Variants in TNKS2 observed in about 807,000 individuals in gnomAD.
TNKS2 encodes tankyrase 2, also known as poly [ADP-ribose] polymerase tankyrase-2.
A neutral mutation model predicts 137.6 loss-of-function variants in TNKS2; 72 were observed. The observed-to-expected ratio is 0.52, with a 90% CI of 0.43 to 0.64. The LOEUF is 0.64. TNKS2 is among the 30% of genes least tolerant of loss of function. The probability of loss-of-function intolerance (pLI) is 0.00; values close to 1 mark genes in which losing one functional copy is unlikely to be tolerated. For synonymous variants in TNKS2, 516 were observed against 512.1 expected, an observed-to-expected ratio of 1.01 and a Z score of -0.10; for missense variants, 1,049 against 1,410.2, an observed-to-expected ratio of 0.74 and a Z score of 4.10.
At chr10:91,827,294 T>C (rs1845099725) in intron 8 of TNKS2, 91 bp downstream of exon 8, 1 of 1,098,438 alleles carries the variant, frequency 9.1e-7, no homozygotes, top group Non-Finnish European at 1.2e-6. Flanking sequence ...AATGTTTAAA[T>C]AATAGAATAT....
chr10:91,798,600 T>C lies in TNKS2; in HGVS notation c.-91T>C. The C allele has an allele frequency of 8.3e-7, 1 of 1,198,376 alleles. No individual in the cohort carries two copies. The highest frequency in any genetic ancestry group is 4.3e-5 in the South Asian group (1 of 23,292). The allele number at this position is 1,198,376 out of a possible 1,614,324, so 74.2% of individuals were successfully genotyped here. A position where few individuals can be genotyped will look rare whatever the true frequency, so the allele number is the denominator to read the frequency against. ...AAGCGGCCCGGGCCCTGAGCGCGTC[T>C]TCTCCGGGGGGCCTCGCCCTCCTGC... On this transcript the variant is annotated 5_prime_UTR_variant, in exon 1 of 27. Coordinates refer to ENST00000371627, the MANE Select transcript of TNKS2 (RefSeq NM_025235.4).
At chr10:91,806,254 T>C (rs568128501) in intron 1 of TNKS2, among the ~76,000 whole-genome samples, 3 of 152,278 alleles carry the variant, frequency 2.0e-5, no homozygotes, top group East Asian at 3.9e-4. Context: ...GATACAAATA[T>C]AATTATCAAA....
intron 9 of TNKS2, among the ~76,000 whole-genome samples, chr10:91,830,574 A>G (rs1465945122): frequency 6.6e-6 from 1 of 152,218 alleles, no homozygotes; most frequent in Non-Finnish European, 1.5e-5. Context: ...GTGTTTTCTT[A>G]ACCTTTAAAA....
intron 20 of TNKS2, 145 bp downstream of exon 20, chr10:91,849,739 G>A (rs1842487618): frequency 3.2e-6 from 2 of 616,926 alleles, no homozygotes; most frequent in Non-Finnish European, 5.3e-6. Flanking sequence ...TTCTAATTTG[G>A]CTTGACCTTG....
chr10:91,817,711 A>C (rs1383033186), intron 3 of TNKS2, among the ~76,000 whole-genome samples: 1 of 152,126 alleles, frequency 6.6e-6, no homozygotes, highest in East Asian at 1.9e-4. Flanking sequence ...AACTTTTCAG[A>C]AGAGGATTCT....
chr10:91,841,790 T>C (rs1158939429), intron 15 of TNKS2, among the ~76,000 whole-genome samples: 1 of 152,144 alleles, frequency 6.6e-6, no homozygotes, highest in Non-Finnish European at 1.5e-5. Flanking sequence ...ATAAAATGGA[T>C]GATACTGGTT....
chr10:91,809,665 CAA>C (rs531423746), intron 1 of TNKS2, among the ~76,000 whole-genome samples: 27 of 98,800 alleles, frequency 2.7e-4, no homozygotes, highest in South Asian at 6.4e-4. Context: ...GACTCTGTCT[CAA>C]AAAAAAAAAA....
intron 2 of TNKS2, among the ~76,000 whole-genome samples, chr10:91,814,825 G>A (rs979386868): frequency 6.6e-6 from 1 of 152,084 alleles, no homozygotes; most frequent in African/African-American, 2.4e-5. Context: ...GCACAATGAC[G>A]GACTCACCTA....
intron 26 of TNKS2, 69 bp downstream of exon 26, chr10:91,862,224 T>G: frequency 3.3e-5 from 42 of 1,268,324 alleles, no homozygotes; most frequent in South Asian, 4.0e-5. Flanking sequence ...TATTAATCTC[T>G]TGAATTGACA....
chr10:91,805,153 A>G (rs2133586330), intron 1 of TNKS2, among the ~76,000 whole-genome samples: 1 of 151,802 alleles, frequency 6.6e-6, no homozygotes, highest in East Asian at 1.9e-4. Flanking sequence ...CTGCCTCCAA[A>G]TAATTTCCTT....
chr10:91,863,275 CT>C lies in TNKS2; in HGVS notation c.*280del. On this transcript the variant is annotated 3_prime_UTR_variant, in exon 27 of 27. Transcript: ENST00000371627. ...AATTATAAACAGAGTTAACTTGAACCTTTTATATGTTATGCATTGATTCTAA... is the reference window on the plus strand; with the variant it reads ...AATTATAAACAGAGTTAACTTGAACCTTTATATGTTATGCATTGATTCTAA... 3.3e-6 allele frequency: 1 copy of C among 305,980 alleles called. No individual in the cohort carries two copies. The highest frequency in any genetic ancestry group is 6.0e-5 in the South Asian group (1 of 16,714). 19.0% of individuals were successfully genotyped at this position (305,980 alleles called of 1,614,324 possible).
chr10:91,801,768 G>A (rs150582257), intron 1 of TNKS2, among the ~76,000 whole-genome samples: 6 of 152,270 alleles, frequency 3.9e-5, no homozygotes, highest in Middle Eastern at 3.4e-3. Flanking sequence ...CACTGCGCCC[G>A]GCCAGGAATG....
At chr10:91,846,030 G>A (rs748419879) in intron 18 of TNKS2, 90 bp downstream of exon 18, 2 of 1,178,898 alleles carry the variant, frequency 1.7e-6, no homozygotes, top group Non-Finnish European at 2.3e-6. Flanking sequence ...TATAGTCAAT[G>A]TGAATGGCAA....
Position 91,798,650 on chromosome 10 carries a change from GGTTGCTGGCGCT to G in TNKS2, c.-31_-20del. 8.2e-7 allele frequency: 1 copy of G among 1,216,910 alleles called. No individual in the cohort carries two copies. The highest frequency in any genetic ancestry group is 3.3e-5 in the East Asian group (1 of 29,890). 75.4% of individuals were successfully genotyped at this position (1,216,910 alleles called of 1,614,324 possible). The stretch of plus-strand genomic sequence containing the variant: ...CTCGCGGGGCCGGGGCTCCTGCTCC[GGTTGCTGGCGCT>G]GTTGCTGGCTGTGGCGGCGGCCAGG... On this transcript the variant is annotated 5_prime_UTR_variant, in exon 1 of 27. Coordinates refer to ENST00000371627, the MANE Select transcript of TNKS2 (RefSeq NM_025235.4).
At position 91,864,927 on chromosome 10, in the gene TNKS2, T is replaced by A. The variant is rs1554842400; in HGVS notation, c.*1928T>A. ...ATGTGAAATCATTGTGGTCTATGAG[T>A]TTACAATACTGCAAACTGTGTTATT... On this transcript the variant is annotated 3_prime_UTR_variant, in exon 27 of 27. Transcript: ENST00000371627. 6.6e-6 allele frequency: 1 copy of A among 152,580 alleles called. No homozygotes were observed. Among genetic ancestry groups the A allele is most frequent in the South Asian group, 2.1e-4 (1 of 4,834 alleles). 9.5% of individuals were successfully genotyped at this position (152,580 alleles called of 1,614,324 possible).
At chr10:91,844,815 T>C in intron 16 of TNKS2, 104 bp from the exon 17 acceptor site, 1 of 641,100 alleles carries the variant, frequency 1.6e-6, no homozygotes, top group Non-Finnish European at 2.7e-6. Context: ...CATATATATA[T>C]GTATACATGT....
In TNKS2 at chr10:91,798,580, G is replaced by A. The variant is rs538717618; in HGVS notation, c.-111G>A. On this transcript the variant is annotated 5_prime_UTR_variant, in exon 1 of 27. Coordinates refer to ENST00000371627, the MANE Select transcript of TNKS2 (RefSeq NM_025235.4). Reference sequence around the variant, plus strand: ...TCCGGTGACAGCAGGGAGCCAAGCGGCCCGGGCCCTGAGCGCGTCTTCTCC... The same window carrying A: ...TCCGGTGACAGCAGGGAGCCAAGCGACCCGGGCCCTGAGCGCGTCTTCTCC... The A allele has an allele frequency of 1.7e-6, 2 of 1,162,858 alleles. No homozygotes were observed. Among genetic ancestry groups the A allele is most frequent in the African/African-American group, 1.6e-5 (1 of 62,348 alleles). The allele number at this position is 1,162,858 out of a possible 1,614,324, so 72.0% of individuals were successfully genotyped here. A position where few individuals can be genotyped will look rare whatever the true frequency, so the allele number is the denominator to read the frequency against.
At chr10:91,809,521 C>G (rs111788517) in intron 1 of TNKS2, among the ~76,000 whole-genome samples, 16,403 of 151,978 alleles carry the variant, frequency 0.11, 963 homozygotes, top group East Asian at 0.19. Flanking sequence ...AAAAAATTAG[C>G]TGGGCGTGGT....
chr10:91,807,046 A>T (rs1589643070), intron 1 of TNKS2: 2 of 1,122,376 alleles, frequency 1.8e-6, no homozygotes, highest in South Asian at 3.2e-5. Context: ...TTAAAAAGAA[A>T]ATTACAAAAA....
Sources: allele counts gnomAD v4.1 joint callset (sites outside exome capture counted in the v4.1 genomes callset), GRCh38; gene constraint gnomAD v4.1.1; transcripts MANE v1.5; gene names NCBI Gene and HGNC (gene_info 2026-07-23, HGNC 2026-07-21).